Variants in ROR2 observed in about 807,000 individuals in gnomAD.
The protein encoded by ROR2 is tyrosine-protein kinase transmembrane receptor ROR2.
A neutral mutation model predicts 74.9 loss-of-function variants in ROR2; 33 were observed. That is an observed-to-expected ratio of 0.44 (90% confidence interval 0.33 to 0.59). ROR2 has a LOEUF of 0.59. Ranked by LOEUF, ROR2 falls within the 20% of genes least tolerant of loss-of-function variation. The pLI is 0.02. For synonymous variants in ROR2, 586 were observed against 558.7 expected (o/e 1.05, Z -0.69); for missense variants, 1,216 against 1,313.8 (o/e 0.93, Z 1.15).
intron 1 of ROR2, among the ~76,000 whole-genome samples, chr9:91,796,455 A>AC (rs1173719787): frequency 3.2e-4 from 48 of 151,296 alleles, no homozygotes; most frequent in African/African-American, 1.2e-3. Flanking sequence ...AAAAAAAAAA[A>AC]CATTTTCACA....
intron 1 of ROR2, among the ~76,000 whole-genome samples, chr9:91,899,347 G>T (rs547317569): frequency 2.8e-4 from 43 of 152,296 alleles, no homozygotes; most frequent in African/African-American, 9.9e-4. Flanking sequence ...AGACAGAGCA[G>T]GACCCAGCAC....
At chr9:91,910,072 G>A (rs555348977) in intron 1 of ROR2, among the ~76,000 whole-genome samples, 1 of 151,558 alleles carries the variant, frequency 6.6e-6, no homozygotes, top group African/African-American at 2.4e-5. Context: ...ATATTGGCCA[G>A]GCTGGTCTCA....
intron 1 of ROR2, among the ~76,000 whole-genome samples, chr9:91,882,846 G>A (rs895804142): frequency 5.9e-5 from 9 of 152,282 alleles, no homozygotes; most frequent in African/African-American, 2.2e-4. Context: ...GGCAGGAGAA[G>A]TCACCCCTGC....
chr9:91,840,089 C>CATCTGGCAGAGCAGAGAGT (rs576058659), intron 1 of ROR2, among the ~76,000 whole-genome samples: 57 of 152,294 alleles, frequency 3.7e-4, no homozygotes, highest in African/African-American at 9.9e-4. Flanking sequence ...ATGCCCACTT[C>CATCTGGCAGAGCAGAGAGT]ATCTGGCAGA....
intron 1 of ROR2, among the ~76,000 whole-genome samples, chr9:91,908,784 C>T (rs2119441947): frequency 6.6e-6 from 1 of 152,256 alleles, no homozygotes; most frequent in Middle Eastern, 3.4e-3. Flanking sequence ...GGAAACAGCA[C>T]TAAGATTTCA....
chr9:91,860,439 T>C (rs1004666560), intron 1 of ROR2, among the ~76,000 whole-genome samples: 1 of 151,858 alleles, frequency 6.6e-6, no homozygotes. Flanking sequence ...TTAGTCAGAG[T>C]TGGCCAGAGA....
At chr9:91,743,856 T>C (rs1244210942) in intron 4 of ROR2, among the ~76,000 whole-genome samples, 1 of 152,170 alleles carries the variant, frequency 6.6e-6, no homozygotes, top group Non-Finnish European at 1.5e-5. Context: ...CACTTGAAAC[T>C]TCAAAAATCA....
intron 4 of ROR2, among the ~76,000 whole-genome samples, chr9:91,748,006 A>G (rs1486434366): frequency 6.6e-6 from 1 of 152,248 alleles, no homozygotes; most frequent in African/African-American, 2.4e-5. Context: ...CGGTTTTACA[A>G]CATGACTATA....
intron 6 of ROR2, among the ~76,000 whole-genome samples, 158 bp from the exon 7 acceptor site, chr9:91,731,313 C>T (rs1434119133): frequency 6.6e-6 from 1 of 152,172 alleles, no homozygotes; most frequent in Admixed American, 6.5e-5. Context: ...CCCAAGCCCA[C>T]AAATTAAATG....
rs1232072032 is a variant in ROR2 at position 91,723,863 on chromosome 9, G to T, written c.2631C>A (p.Ala877=). Residue 877 remains alanine, a synonymous_variant, in exon 9 of 9, where the codon GCC becomes GCA. Coordinates refer to ENST00000375708, the MANE Select transcript of ROR2 (RefSeq NM_004560.4). ...GSTSTGYVTT[A]PSNTSMADRA... is the part of the protein sequence containing the mutation. Reference sequence around the variant, plus strand: ...TGTCTGCCATGGATGTGTTGGAGGGGGCCGTGGTGACGTAGCCTGTGCTGG... The same window carrying T: ...TGTCTGCCATGGATGTGTTGGAGGGTGCCGTGGTGACGTAGCCTGTGCTGG... The T allele has an allele frequency of 6.2e-7, 1 of 1,613,964 alleles. No individual in the cohort carries two copies. Among genetic ancestry groups the T allele is most frequent in the African/African-American group, 1.3e-5 (1 of 74,940 alleles).
intron 1 of ROR2, among the ~76,000 whole-genome samples, chr9:91,795,492 C>T (rs1827137992): frequency 6.6e-6 from 1 of 152,186 alleles, no homozygotes; most frequent in South Asian, 2.1e-4. Flanking sequence ...GGATTAGTCA[C>T]TTCTAAGCTT....
At chr9:91,928,343 C>T (rs1183394995) in intron 1 of ROR2, among the ~76,000 whole-genome samples, 7 of 152,210 alleles carry the variant, frequency 4.6e-5, no homozygotes, top group Non-Finnish European at 8.8e-5. Context: ...CCCTGCGTGG[C>T]ATGGCAGGTA....
At chr9:91,726,910 T>C (rs768792117) in intron 7 of ROR2, among the ~76,000 whole-genome samples, 167 bp from the exon 8 acceptor site, 1 of 151,894 alleles carries the variant, frequency 6.6e-6, no homozygotes, top group Non-Finnish European at 1.5e-5. Context: ...AAAAACATGA[T>C]GCACCAAAAA....
At chr9:91,829,116 T>C (rs955923704) in intron 1 of ROR2, among the ~76,000 whole-genome samples, 2 of 152,218 alleles carry the variant, frequency 1.3e-5, no homozygotes, top group African/African-American at 2.4e-5. Flanking sequence ...TAACTAGACA[T>C]CATGGCACTG....
At chr9:91,896,538 A>G (rs1490981018) in intron 1 of ROR2, among the ~76,000 whole-genome samples, 3 of 152,156 alleles carry the variant, frequency 2.0e-5, no homozygotes, top group Non-Finnish European at 4.4e-5. Flanking sequence ...TTATACCTCA[A>G]AAGTGCCTGC....
rs572890403 is a variant in ROR2, at chr9:91,790,295, A to T, written c.98-14477T>A. 2.6e-3 allele frequency among the ~76,000 whole-genome samples: 401 copies of T among 152,052 alleles called. 1 individual carries two copies. Among genetic ancestry groups the T allele is most frequent in the Non-Finnish European group, 3.6e-3 (243 of 67,952 alleles). ...GGAGGGCAGATCACAAGGTCAGGAG[A>T]TCAAGACCATCCTGGCCAACATGAT... On this transcript the variant is annotated intron_variant, in intron 1 of 8. Transcript: ENST00000375708.
At chr9:91,931,004 A>T (rs1831536144) in intron 1 of ROR2, among the ~76,000 whole-genome samples, 1 of 152,150 alleles carries the variant, frequency 6.6e-6, no homozygotes, top group Admixed American at 6.5e-5. Context: ...TTGGATTTGG[A>T]CAGATATTTT....
intron 1 of ROR2, among the ~76,000 whole-genome samples, chr9:91,783,005 C>A (rs1211598773): frequency 6.6e-6 from 1 of 152,200 alleles, no homozygotes; most frequent in African/African-American, 2.4e-5. Context: ...AGGCCAGGAT[C>A]AAGGTGTCAG....
At chr9:91,892,580 C>CT (rs1263363747) in intron 1 of ROR2, among the ~76,000 whole-genome samples, 1 of 130,624 alleles carries the variant, frequency 7.7e-6, no homozygotes, top group Non-Finnish European at 1.6e-5. Flanking sequence ...TTTTCTTTTT[C>CT]TTTTCTTTTC....
Sources: allele counts gnomAD v4.1 joint callset (sites outside exome capture counted in the v4.1 genomes callset), GRCh38; gene constraint gnomAD v4.1.1; transcripts MANE v1.5; gene names NCBI Gene and HGNC (gene_info 2026-07-23, HGNC 2026-07-21).